Variants in EYS observed in about 807,000 individuals in gnomAD.
The protein encoded by EYS is protein eyes shut homolog.
Under a neutral mutation model 282.1 loss-of-function variants are expected in EYS, and 250 were observed. That is an observed-to-expected ratio of 0.89 (90% CI 0.80 to 0.98). EYS has a LOEUF of 0.98. EYS is among the 50% of genes least tolerant of loss of function. EYS has a pLI of 0.00. For missense variants in EYS, 4,016 were observed against 3,709.0 expected, an observed-to-expected ratio of 1.08 and a Z score of -2.15; for synonymous variants, 1,355 against 1,282.9, an observed-to-expected ratio of 1.06 and a Z score of -1.20.
At chr6:65,581,177 G>A (rs1295676654) in intron 2 of EYS, among the ~76,000 whole-genome samples, 1 of 151,970 alleles carries the variant, frequency 6.6e-6, no homozygotes, top group Non-Finnish European at 1.5e-5. Flanking sequence ...GGTCTAATCA[G>A]TAATATTTCA....
intron 26 of EYS, among the ~76,000 whole-genome samples, chr6:64,507,745 C>T (rs1777257943): frequency 7.3e-6 from 1 of 136,746 alleles, no homozygotes; most frequent in African/African-American, 2.6e-5. Context: ...TTCTTCATCC[C>T]CACATTTATT....
chr6:63,723,565 C>CTA (rs1158476274), intron 42 of EYS, among the ~76,000 whole-genome samples: 1 of 152,000 alleles, frequency 6.6e-6, no homozygotes, highest in Non-Finnish European at 1.5e-5. Flanking sequence ...GTGATCTATA[C>CTA]TATCACTGGT....
At chr6:64,104,396 G>A (rs1457769618) in intron 31 of EYS, among the ~76,000 whole-genome samples, 1 of 152,084 alleles carries the variant, frequency 6.6e-6, no homozygotes, top group African/African-American at 2.4e-5. Flanking sequence ...ATGTGTGTAT[G>A]TACATGTGCA....
Position 65,350,380 on chromosome 6 carries a change from A to C in EYS, c.1459+3078T>G, listed in dbSNP as rs180677303. On this transcript the variant is annotated intron_variant, in intron 9 of 42. Coordinates refer to ENST00000503581, the MANE Select transcript of EYS (RefSeq NM_001142800.2). ...TTAATATTCTGGAATGTCTTCTACCAGAAGATCCATTACTTTATAAAGGAA... is the reference window on the plus strand; with the variant it reads ...TTAATATTCTGGAATGTCTTCTACCCGAAGATCCATTACTTTATAAAGGAA... Among the ~76,000 whole-genome samples the C allele has an allele frequency of 3.6e-3, 553 of 151,692 alleles. 2 individuals are homozygous for C. Among genetic ancestry groups the C allele is most frequent in the Middle Eastern group, 0.01 (3 of 294 alleles).
intron 19 of EYS, among the ~76,000 whole-genome samples, chr6:64,879,069 G>T (rs1368802423): frequency 6.6e-6 from 1 of 152,146 alleles, no homozygotes; most frequent in Admixed American, 6.6e-5. Context: ...AATTTTATGT[G>T]TTGCCCTTTT....
intron 33 of EYS, among the ~76,000 whole-genome samples, chr6:64,049,275 T>G (rs1264119796): frequency 6.6e-6 from 1 of 152,218 alleles, no homozygotes; most frequent in Admixed American, 6.5e-5. Context: ...TGATTAACAT[T>G]TTGCTATATT....
chr6:64,543,354 A>T (rs1362452021), intron 26 of EYS, among the ~76,000 whole-genome samples: 3 of 152,070 alleles, frequency 2.0e-5, no homozygotes, highest in African/African-American at 7.2e-5. Flanking sequence ...TTAGTGGATT[A>T]TTTATTTCTG....
chr6:65,487,208 A>G (rs549769988), intron 5 of EYS, among the ~76,000 whole-genome samples: 25 of 152,268 alleles, frequency 1.6e-4, no homozygotes, highest in African/African-American at 5.8e-4. Flanking sequence ...TTCCAACACT[A>G]TGTTGAATAC....
At chr6:64,679,037 T>G (rs1214075032) in intron 22 of EYS, among the ~76,000 whole-genome samples, 2 of 152,104 alleles carry the variant, frequency 1.3e-5, no homozygotes, top group Non-Finnish European at 2.9e-5. Flanking sequence ...TGTTATACAC[T>G]TACATAATTT....
intron 40 of EYS, among the ~76,000 whole-genome samples, chr6:63,777,174 G>C (rs984942238): frequency 1.3e-5 from 2 of 152,074 alleles, no homozygotes; most frequent in Admixed American, 6.5e-5. Flanking sequence ...CTTTGCTTTT[G>C]ATCATTTTCT....
intron 30 of EYS, among the ~76,000 whole-genome samples, chr6:64,232,777 T>C (rs1399643835): frequency 2.0e-5 from 3 of 152,228 alleles, no homozygotes; most frequent in African/African-American, 7.2e-5. Flanking sequence ...TGTAACTCTT[T>C]AGTTTTATAA....
chr6:65,447,694 A>G (rs1768726575), intron 5 of EYS, among the ~76,000 whole-genome samples: 1 of 152,046 alleles, frequency 6.6e-6, no homozygotes, highest in South Asian at 2.1e-4. Context: ...CATGCAAACA[A>G]CATTAAATCA....
At chr6:65,324,115 CA>C (rs1197320892) in intron 11 of EYS, among the ~76,000 whole-genome samples, 1 of 151,468 alleles carries the variant, frequency 6.6e-6, no homozygotes, top group African/African-American at 2.4e-5. Flanking sequence ...ACTGCTCCTT[CA>C]AACCCTTGCC....
chr6:64,623,499 T>C, intron 23 of EYS, among the ~76,000 whole-genome samples: 1 of 152,108 alleles, frequency 6.6e-6, no homozygotes, highest in African/African-American at 2.4e-5. Flanking sequence ...TTAATACATC[T>C]AAAATAACAT....
In EYS at chr6:64,766,646, A is replaced by AC. The variant is rs1462297498; in HGVS notation, c.3443+46731_3443+46732insG. On this transcript the variant is annotated intron_variant, in intron 22 of 42. Coordinates refer to ENST00000503581, the MANE Select transcript of EYS (RefSeq NM_001142800.2). The stretch of plus-strand genomic sequence containing the variant: ...AACTCCGTCTCAAAAAAAAAAAAAA[A>AC]AAAATATATATATATATATATATAT... 3.1e-3 allele frequency among the ~76,000 whole-genome samples: 44 copies of AC among 14,046 alleles called. 5 individuals carry two copies. The highest frequency in any genetic ancestry group is 4.8e-3 in the Non-Finnish European group (29 of 6,020). 9.2% of individuals were successfully genotyped at this position (14,046 alleles called of 152,430 possible).
intron 13 of EYS, among the ~76,000 whole-genome samples, chr6:65,016,004 CA>C (rs1206861473): frequency 3.3e-5 from 5 of 149,410 alleles, no homozygotes; most frequent in African/African-American, 1.2e-4. Context: ...GAGATTGTGC[CA>C]CTGCAATCCA....
At chr6:64,488,185 T>C (rs979846297) in intron 26 of EYS, among the ~76,000 whole-genome samples, 2 of 151,090 alleles carry the variant, frequency 1.3e-5, no homozygotes, top group African/African-American at 2.4e-5. Flanking sequence ...TTCTGATAAT[T>C]CAATATTAAT....
chr6:64,109,244 T>C (rs1311897414), intron 31 of EYS, among the ~76,000 whole-genome samples: 2 of 152,128 alleles, frequency 1.3e-5, no homozygotes, highest in African/African-American at 4.8e-5. Flanking sequence ...TTTATGCATA[T>C]AATAGGTTTT....
chr6:64,887,872 A>G (rs908701556), intron 18 of EYS, among the ~76,000 whole-genome samples: 1 of 152,118 alleles, frequency 6.6e-6, no homozygotes, highest in East Asian at 1.9e-4. Flanking sequence ...GCTAGACAAG[A>G]GGTGACAGAA....
Sources: allele counts gnomAD v4.1 joint callset (sites outside exome capture counted in the v4.1 genomes callset), GRCh38; gene constraint gnomAD v4.1.1; transcripts MANE v1.5; gene names NCBI Gene and HGNC (gene_info 2026-07-23, HGNC 2026-07-21).